Variants in FBXL7 observed in about 807,000 individuals in gnomAD.
FBXL7 encodes the protein F-box and leucine rich repeat protein 7, also known as F-box/LRR-repeat protein 7.
Under a neutral mutation model 38.3 loss-of-function variants are expected in FBXL7, and 12 were observed. The observed-to-expected ratio is 0.31, with a 90% CI of 0.20 to 0.51. The LOEUF (loss-of-function observed/expected upper bound fraction) is 0.51. FBXL7 is among the 20% of genes least tolerant of loss of function. The pLI is 0.98. For synonymous variants in FBXL7, 297 were observed against 300.9 expected (o/e 0.99, Z 0.13); for missense variants, 567 against 676.4 (o/e 0.84, Z 1.79).
At chr5:15,634,861 G>A (rs533682242) in intron 2 of FBXL7, among the ~76,000 whole-genome samples, 1 of 151,996 alleles carries the variant, frequency 6.6e-6, no homozygotes, top group South Asian at 2.1e-4. Context: ...CATAGCCTCT[G>A]CAAGTCTCTC....
chr5:15,835,697 C>T (rs1289341490), intron 2 of FBXL7, among the ~76,000 whole-genome samples: 1 of 152,138 alleles, frequency 6.6e-6, no homozygotes, highest in African/African-American at 2.4e-5. Flanking sequence ...AGCTGGGCAT[C>T]TCCTATTACC....
chr5:15,589,878 G>C (rs1455136536), intron 1 of FBXL7, among the ~76,000 whole-genome samples: 1 of 152,144 alleles, frequency 6.6e-6, no homozygotes, highest in Non-Finnish European at 1.5e-5. Flanking sequence ...GGAACACTAT[G>C]GGTCCACATG....
At chr5:15,792,018 G>A (rs1164793650) in intron 2 of FBXL7, among the ~76,000 whole-genome samples, 1 of 152,094 alleles carries the variant, frequency 6.6e-6, no homozygotes, top group Non-Finnish European at 1.5e-5. Flanking sequence ...AAGTATTTTT[G>A]TTTAATCCTT....
At chr5:15,794,104 T>G (rs1216603783) in intron 2 of FBXL7, among the ~76,000 whole-genome samples, 1 of 152,202 alleles carries the variant, frequency 6.6e-6, no homozygotes, top group African/African-American at 2.4e-5. Context: ...ATTTGCATCT[T>G]AGCAAGGAGC....
intron 2 of FBXL7, among the ~76,000 whole-genome samples, chr5:15,713,795 A>G (rs1243443561): frequency 6.6e-6 from 1 of 152,234 alleles, no homozygotes; most frequent in Non-Finnish European, 1.5e-5. Context: ...GTTAAGATTC[A>G]GAGGGTAGGG....
At position 15,582,844 on chromosome 5, in the gene FBXL7, TCTGA is replaced by T. The variant is rs755609323; in HGVS notation, c.38-33136_38-33133del. Among the ~76,000 whole-genome samples the T allele has an allele frequency of 3.9e-5, 6 of 152,244 alleles. No individual in the cohort carries two copies. In the East Asian group the frequency reaches 5.8e-4, roughly 15 times the overall value. Reference sequence around the variant, plus strand: ...GTCAATCTTTCCAAATCTTTTATAGTCTGACTAACAAAACAATTTCCTTTTATAT... The same window carrying T: ...GTCAATCTTTCCAAATCTTTTATAGTCTAACAAAACAATTTCCTTTTATAT... On this transcript the variant is annotated intron_variant, in intron 1 of 3. Coordinates refer to ENST00000504595, the MANE Select transcript of FBXL7 (RefSeq NM_012304.5).
intron 2 of FBXL7, among the ~76,000 whole-genome samples, chr5:15,680,184 A>G (rs963761481): frequency 6.6e-6 from 1 of 152,208 alleles, no homozygotes; most frequent in Non-Finnish European, 1.5e-5. Context: ...TACATTGAAA[A>G]AGGCAGCTCT....
At chr5:15,914,751 G>T (rs543793505) in intron 2 of FBXL7, among the ~76,000 whole-genome samples, 1 of 152,302 alleles carries the variant, frequency 6.6e-6, no homozygotes, top group Non-Finnish European at 1.5e-5. Flanking sequence ...AGTGATTTGT[G>T]GTAGGACCGA....
chr5:15,725,947 A>G (rs971206220), intron 2 of FBXL7, among the ~76,000 whole-genome samples: 12 of 152,268 alleles, frequency 7.9e-5, no homozygotes, highest in African/African-American at 2.4e-4. Flanking sequence ...TGTTTTATCC[A>G]TTATTGAGAG....
intron 2 of FBXL7, among the ~76,000 whole-genome samples, chr5:15,776,851 T>C (rs1469814187): frequency 6.6e-6 from 1 of 152,116 alleles, no homozygotes; most frequent in East Asian, 1.9e-4. Flanking sequence ...ATTATAGAAC[T>C]TAAATAAAAT....
At chr5:15,628,196 G>C (rs928948905) in intron 2 of FBXL7, among the ~76,000 whole-genome samples, 1 of 152,142 alleles carries the variant, frequency 6.6e-6, no homozygotes, top group African/African-American at 2.4e-5. Flanking sequence ...GGGGCATCTG[G>C]TACACTGAGG....
At chr5:15,767,269 A>C (rs1354849788) in intron 2 of FBXL7, among the ~76,000 whole-genome samples, 2 of 152,236 alleles carry the variant, frequency 1.3e-5, no homozygotes, top group African/African-American at 4.8e-5. Flanking sequence ...TAAAAAAAAA[A>C]AGTCTATAAT....
intron 1 of FBXL7, among the ~76,000 whole-genome samples, chr5:15,610,537 C>T (rs1462796927): frequency 6.6e-6 from 1 of 152,162 alleles, no homozygotes; most frequent in African/African-American, 2.4e-5. Context: ...GAATATTCCC[C>T]TTGTTTTTTC....
chr5:15,748,997 C>T (rs574807984), intron 2 of FBXL7, among the ~76,000 whole-genome samples: 1 of 152,230 alleles, frequency 6.6e-6, no homozygotes, highest in South Asian at 2.1e-4. Context: ...GTAATCCCAG[C>T]ACTTTAGGAG....
chr5:15,667,552 T>A (rs986471667), intron 2 of FBXL7, among the ~76,000 whole-genome samples: 11 of 152,206 alleles, frequency 7.2e-5, no homozygotes, highest in Non-Finnish European at 1.6e-4. Flanking sequence ...AATACCCGCC[T>A]ATTTTGATTC....
chr5:15,904,556 G>A (rs1048899895), intron 2 of FBXL7, among the ~76,000 whole-genome samples: 1 of 151,896 alleles, frequency 6.6e-6, no homozygotes, highest in African/African-American at 2.4e-5. Context: ...GAACAACTGT[G>A]GTCAAAGTCA....
intron 1 of FBXL7, among the ~76,000 whole-genome samples, chr5:15,608,031 T>C (rs1378813618): frequency 6.6e-6 from 1 of 152,246 alleles, no homozygotes; most frequent in Non-Finnish European, 1.5e-5. Context: ...CTTTCATGTG[T>C]GTAAAGCAGT....
chr5:15,857,477 G>A (rs766154812), intron 2 of FBXL7, among the ~76,000 whole-genome samples: 2 of 152,120 alleles, frequency 1.3e-5, no homozygotes, highest in Non-Finnish European at 2.9e-5. Flanking sequence ...TAGGCAATAT[G>A]GTCCCAGAGT....
chr5:15,806,379 A>G (rs1189545217), intron 2 of FBXL7, among the ~76,000 whole-genome samples: 1 of 151,674 alleles, frequency 6.6e-6, no homozygotes, highest in Non-Finnish European at 1.5e-5. Flanking sequence ...ATTAACTTTG[A>G]CAAGTGTAAA....
Sources: allele counts gnomAD v4.1 joint callset (sites outside exome capture counted in the v4.1 genomes callset), GRCh38; gene constraint gnomAD v4.1.1; transcripts MANE v1.5; gene names NCBI Gene and HGNC (gene_info 2026-07-23, HGNC 2026-07-21).